Variants in PTCH1 observed in about 807,000 individuals in gnomAD.
The protein encoded by PTCH1 is patched 1, also known as protein patched homolog 1.
A neutral mutation model predicts 144.6 loss-of-function variants in PTCH1; 14 were observed. The observed-to-expected ratio is 0.10, with a 90% confidence interval of 0.06 to 0.15. PTCH1 has a LOEUF of 0.15. Among genes scored for constraint, PTCH1 ranks in the 10% least tolerant of loss-of-function variants. The pLI, the probability that PTCH1 is intolerant of heterozygous loss-of-function variation, is 1.00. For synonymous variants in PTCH1, 833 were observed against 793.6 expected (o/e 1.05, Z -0.83); for missense variants, 1,623 against 1,948.3 (o/e 0.83, Z 3.14).
Position 95,449,231 on chromosome 9 carries a change from C to G in PTCH1, c.3642G>C (p.Thr1214=), listed in dbSNP as rs143974523. 2.5e-6 allele frequency: 4 copies of G among 1,590,862 alleles called. No homozygotes were observed. ...AGTCGGAGGAATCAGACCCGCTGTG[C>G]GTGTGGCCGGGCGGCATGGCGAAGC... ...VVRFAMPPGH[T]HSGSDSSDSE... is the part of the protein sequence containing the mutation. Residue 1214 remains threonine (T), a synonymous_variant, in exon 22 of 24, where the codon ACG becomes ACC. Transcript: ENST00000331920. This position sits in a 1 kb window ranked among gnomAD's most constrained non-coding sequence, Gnocchi z 5.3.
At chr9:95,507,918 A>ACACG (rs1180363072) in intron 1 of PTCH1, 2 of 1,374,898 alleles carry the variant, frequency 1.5e-6, no homozygotes, top group Non-Finnish European at 1.9e-6. Flanking sequence ...ACACACACAC[A>ACACG]CGCACACACA....
At position 95,493,905 on chromosome 9, in the gene PTCH1, C is replaced by T. The variant is rs376129190; in HGVS notation, c.395-8031G>A. Among the ~76,000 whole-genome samples, 46 of 152,240 alleles carry T rather than the reference C, an allele frequency of 3.0e-4. No homozygotes were observed. In the East Asian group the frequency reaches 5.0e-3, roughly 17 times the overall value. On this transcript the variant is annotated intron_variant, in intron 2 of 23. Transcript: ENST00000331920. ...TCTCTTTTATTCAGGAGGAGCCAAC[C>T]GCTGTCCAAGTTTCTGGGCCGTTTT...
rs1224071885 is a variant in PTCH1, at chr9:95,508,867, G to A, written c.-506C>T. Reference sequence around the variant, plus strand: ...CGGGTCGCCCGAGCGGCCGCGGAGGGCAAGCGCAGAGCCGCCGCCGCCGCG... The same window carrying A: ...CGGGTCGCCCGAGCGGCCGCGGAGGACAAGCGCAGAGCCGCCGCCGCCGCG... On this transcript the variant is annotated 5_prime_UTR_variant, in exon 1 of 24. Transcript: ENST00000331920. The A allele has an allele frequency of 8.2e-6, 8 of 975,340 alleles. No individual in the cohort carries two copies. Among genetic ancestry groups the A allele is most frequent in the South Asian group, 4.7e-5 (1 of 21,062 alleles). The allele number at this position is 975,340 out of a possible 1,614,324, so 60.4% of individuals were successfully genotyped here. A position where few individuals can be genotyped will look rare whatever the true frequency, so the allele number is the denominator to read the frequency against.
chr9:95,507,488 G>A, intron 1 of PTCH1: 6 of 964,904 alleles, frequency 6.2e-6, no homozygotes, highest in Non-Finnish European at 7.4e-6. Context: ...CTCGCACCGC[G>A]AATTTAAGGT....
At chr9:95,481,389 T>C (rs1292049728) in intron 5 of PTCH1, among the ~76,000 whole-genome samples, 2 of 152,246 alleles carry the variant, frequency 1.3e-5, no homozygotes, top group Non-Finnish European at 2.9e-5. Flanking sequence ...AAAATGTCTA[T>C]GCTGATTAAC....
intron 12 of PTCH1, among the ~76,000 whole-genome samples, chr9:95,475,272 T>C (rs1234782226): frequency 6.6e-6 from 1 of 152,066 alleles, no homozygotes; most frequent in East Asian, 1.9e-4. Context: ...GATTAGAAAA[T>C]ACCCTGACGG....
At chr9:95,506,885 G>C (rs1032570996) in intron 1 of PTCH1, 38 of 1,145,060 alleles carry the variant, frequency 3.3e-5, no homozygotes, top group African/African-American at 4.8e-5. Flanking sequence ...CAATACAGAA[G>C]AGGAAGCCGA....
At chr9:95,471,719 C>T (rs774701965) in intron 12 of PTCH1, among the ~76,000 whole-genome samples, 26 of 152,160 alleles carry the variant, frequency 1.7e-4, no homozygotes, top group African/African-American at 2.6e-4. Flanking sequence ...GCAGGCTTCC[C>T]GGGAGAGGCT....
At chr9:95,461,503 C>T (rs964430829) in intron 16 of PTCH1, among the ~76,000 whole-genome samples, 1 of 152,186 alleles carries the variant, frequency 6.6e-6, no homozygotes, top group South Asian at 2.1e-4. Context: ...ACCATCAAGA[C>T]CAACAAGGTA....
At chr9:95,474,010 A>C (rs901755517) in intron 12 of PTCH1, 1 of 461,552 alleles carries the variant, frequency 2.2e-6, no homozygotes, top group Non-Finnish European at 4.3e-6. Context: ...TAAGGTGCTT[A>C]CCTTGGGAGA....
chr9:95,506,490 A>G lies in PTCH1; in HGVS notation c.311T>C (p.Val104Ala), dbSNP rs746275162. ...IQKNCGKFLV[V>A]GLLIFGAFAV... ...GAAGGCCCCAAATATGAGGAGGCCCACAACCAAGAACTTGCCGCAGTTTTT... is the reference window on the plus strand; with the variant it reads ...GAAGGCCCCAAATATGAGGAGGCCCGCAACCAAGAACTTGCCGCAGTTTTT... Residue 104 changes from valine (V) to alanine (A), a missense_variant, in exon 2 of 24, where the codon GTG becomes GCG. Around this residue, in one of 7 missense-constraint regions of PTCH1, gnomAD observed 245 missense variants for 240.6 expected, o/e 1.02. Coordinates refer to ENST00000331920, the MANE Select transcript of PTCH1 (RefSeq NM_000264.5). 1.2e-6 allele frequency: 2 copies of G among 1,613,704 alleles called. No individual in the cohort carries two copies. Among genetic ancestry groups the G allele is most frequent in the Non-Finnish European group, 1.7e-6 (2 of 1,179,816 alleles).
At chr9:95,507,955 G>C in intron 1 of PTCH1, 1 of 1,469,026 alleles carries the variant, frequency 6.8e-7, no homozygotes. Context: ...GCGGACCTCA[G>C]ACAGCCCTTT....
At chr9:95,515,917 C>G (rs1179059645) in intron 1 of PTCH1, among the ~76,000 whole-genome samples, 2 of 152,092 alleles carry the variant, frequency 1.3e-5, no homozygotes, top group East Asian at 3.9e-4. Flanking sequence ...CTGCGGGGCG[C>G]GAGCGTGCCC....
In PTCH1 at chr9:95,516,962, G is replaced by A. The variant is rs974507013; in HGVS notation, c.-491C>T. 8.3e-6 allele frequency: 5 copies of A among 603,834 alleles called. No homozygotes were observed. In the African/African-American group the frequency reaches 9.7e-5, roughly 12 times the overall value. The allele number at this position is 603,834 out of a possible 1,614,324, so 37.4% of individuals were successfully genotyped here. A position where few individuals can be genotyped will look rare whatever the true frequency, so the allele number is the denominator to read the frequency against. ...AACGTGCTATCAGCACAGCCCTCCT[G>A]GGTAAACAGGCGCTCCCCTCCCCGC... On this transcript the variant is annotated 5_prime_UTR_variant, in exon 1 of 23. Transcript: ENST00000430669.
chr9:95,478,654 C>A lies in PTCH1; in HGVS notation c.1215+346G>T, dbSNP rs544154236. Among the ~76,000 whole-genome samples, 10 of 152,304 alleles carry A rather than the reference C, an allele frequency of 6.6e-5. No homozygotes were observed. The East Asian group carries it at 1.9e-3, about 29-fold the overall frequency. On this transcript the variant is annotated intron_variant, in intron 8 of 23. Transcript: ENST00000331920. ...ACAAAGGCCAGCTCCTGTCACATGA[C>A]CTGACCAAGGGGCCTGCAGCTGTGA...
Position 95,459,681 on chromosome 9 carries a change from C to A in PTCH1, c.2806G>T (p.Ala936Ser), listed in dbSNP as rs1588544538. The change falls in exon 17 of 24, where the codon GCC (alanine) becomes TCC (serine). Residue 936 changes from alanine (A) to serine (S), a missense_variant. Ala to Ser is a moderately conservative substitution (Grantham distance 99). Around this residue, in one of 7 missense-constraint regions of PTCH1, gnomAD observed 504 missense variants for 679.3 expected, o/e 0.74. Coordinates refer to ENST00000331920, the MANE Select transcript of PTCH1 (RefSeq NM_000264.5). Reference sequence around the variant, plus strand: ...TGTGGCCGGATGTTGGCCTGGGAGGCAGCATACGCGACGGGGTCGTTGCTG... The same window carrying A: ...TGTGGCCGGATGTTGGCCTGGGAGGAAGCATACGCGACGGGGTCGTTGCTG... ...WVSNDPVAYA[A>S]SQANIRPHRP... The A allele has an allele frequency of 6.2e-7, 1 of 1,614,194 alleles. No homozygotes were observed. The highest frequency in any genetic ancestry group is 1.3e-5 in the African/African-American group (1 of 75,048).
At position 95,509,203 on chromosome 9, in the gene PTCH1, G is replaced by A. The variant is rs1171778733; in HGVS notation, c.-842C>T. The stretch of plus-strand genomic sequence containing the variant: ...GCTCCTTGATTCAATAGATGAGATG[G>A]AAGAAGAAAAAAAAGAACTCTCTCC... On this transcript the variant is annotated 5_prime_UTR_variant, in exon 1 of 24. Coordinates refer to ENST00000331920, the MANE Select transcript of PTCH1 (RefSeq NM_000264.5). 1.4e-5 allele frequency among the ~76,000 whole-genome samples: 2 copies of A among 140,580 alleles called. No homozygotes were observed. Among genetic ancestry groups the A allele is most frequent in the South Asian group, 2.4e-4 (1 of 4,222 alleles). The allele number at this position is 140,580 out of a possible 152,430, so 92.2% of individuals were successfully genotyped here. A position where few individuals can be genotyped will look rare whatever the true frequency, so the allele number is the denominator to read the frequency against.
intron 2 of PTCH1, among the ~76,000 whole-genome samples, chr9:95,499,612 T>C (rs1019086372): frequency 2.0e-5 from 3 of 151,968 alleles, no homozygotes; most frequent in African/African-American, 7.3e-5. Flanking sequence ...GGTTATTATG[T>C]GGGGGTGTCT....
At chr9:95,446,432 G>A (rs774837637) in intron 23 of PTCH1, 41 bp from the exon 24 acceptor site, 10 of 518,456 alleles carry the variant, frequency 1.9e-5, no homozygotes, top group Non-Finnish European at 3.5e-5. Flanking sequence ...CAGAGTAAGA[G>A]GTGTGCAAGT....
Sources: gnomAD v4.1 joint callset for allele counts (sites outside exome capture counted in the v4.1 genomes callset) on GRCh38, gnomAD v4.1.1 for gene constraint, gnomAD v4.1.1 regional missense constraint, Gnocchi (gnomAD v3.1) non-coding constraint, MANE v1.5 for transcripts, NCBI Gene and HGNC (gene_info 2026-07-23, HGNC 2026-07-21) for gene names.